The following PCDH15 variants were observed in gnomAD, a reference collection of about 807,000 sequenced individuals.
The protein encoded by PCDH15 is protocadherin related 15.
In PCDH15, 129 loss-of-function variants were observed where a neutral mutation model predicts 178.5. That is an observed-to-expected ratio of 0.72 (90% CI 0.63 to 0.84). The LOEUF is 0.84. PCDH15 is among the 40% of genes least tolerant of loss of function. The pLI, the probability that PCDH15 is intolerant of heterozygous loss-of-function variation, is 0.00. For missense variants in PCDH15, 2,230 were observed against 2,099.9 expected, an observed-to-expected ratio of 1.06 and a Z score of -1.21; for synonymous variants, 800 against 732.0, an observed-to-expected ratio of 1.09 and a Z score of -1.50.
intron 1 of PCDH15, among the ~76,000 whole-genome samples, chr10:54,797,064 T>C (rs545998727): frequency 1.3e-5 from 2 of 152,104 alleles, no homozygotes; most frequent in East Asian, 1.9e-4. Context: ...TGCACTTCAT[T>C]GCACACACCG....
intron 2 of PCDH15, among the ~76,000 whole-genome samples, chr10:55,338,901 C>G (rs987558240): frequency 6.6e-6 from 1 of 152,170 alleles, no homozygotes; most frequent in Middle Eastern, 3.4e-3. Flanking sequence ...GTGGCATGTT[C>G]TTATTCACAT....
intron 1 of PCDH15, among the ~76,000 whole-genome samples, chr10:55,235,588 T>A (rs1230029813): frequency 2.0e-5 from 3 of 152,006 alleles, no homozygotes; most frequent in Non-Finnish European, 4.4e-5. Context: ...AAACTTCACA[T>A]TCACCCAGGG....
Position 55,260,229 on chromosome 10 carries a change from T to C in PCDH15, c.-156+59370A>G, listed in dbSNP as rs10128303. Among the ~76,000 whole-genome samples the C allele has an allele frequency of 2.6e-3, 400 of 152,072 alleles. 1 individual carries two copies. The highest frequency in any genetic ancestry group is 0.02 in the Middle Eastern group (6 of 294). On this transcript the variant is annotated intron_variant, in intron 1 of 5. Coordinates refer to the PCDH15 transcript ENST00000458638. ...AGGATACTATGAGTACAGATACTAGTGAGGAGTCATTTTCACCATGTTGGT... is the reference window on the plus strand; with the variant it reads ...AGGATACTATGAGTACAGATACTAGCGAGGAGTCATTTTCACCATGTTGGT...
chr10:54,019,549 ACTT>A (rs1277129409), intron 20 of PCDH15, among the ~76,000 whole-genome samples: 8 of 152,124 alleles, frequency 5.3e-5, no homozygotes, highest in African/African-American at 1.9e-4. Context: ...AACTTACAGT[ACTT>A]CTTCTCATAT....
chr10:55,420,975 A>C (rs1006824565), intron 2 of PCDH15, among the ~76,000 whole-genome samples: 1 of 151,774 alleles, frequency 6.6e-6, no homozygotes, highest in Admixed American at 6.6e-5. Flanking sequence ...GTTTGTGTAA[A>C]AATATAATAG....
At chr10:54,842,257 C>A (rs1337434731) in intron 3 of PCDH15, among the ~76,000 whole-genome samples, 4 of 151,332 alleles carry the variant, frequency 2.6e-5, no homozygotes, top group Non-Finnish European at 5.9e-5. Flanking sequence ...TTGGTAGAGT[C>A]TTCGTAATTT....
intron 7 of PCDH15, among the ~76,000 whole-genome samples, chr10:54,319,408 T>C (rs2061457930): frequency 6.6e-6 from 1 of 152,154 alleles, no homozygotes; most frequent in African/African-American, 2.4e-5. Context: ...AACATCATGT[T>C]TTCAAATAAA....
intron 2 of PCDH15, among the ~76,000 whole-genome samples, chr10:55,013,411 C>T (rs1284352605): frequency 7.5e-6 from 1 of 133,220 alleles, no homozygotes; most frequent in Non-Finnish European, 1.6e-5. Context: ...ACCTGGTTAC[C>T]ACACCAGGCA....
intron 1 of PCDH15, among the ~76,000 whole-genome samples, chr10:54,674,666 G>A (rs1268116292): frequency 6.6e-6 from 1 of 152,054 alleles, no homozygotes; most frequent in Non-Finnish European, 1.5e-5. Context: ...AGTCATGTAA[G>A]CCCTTCATTT....
chr10:55,554,799 T>C (rs1030074078), intron 2 of PCDH15, among the ~76,000 whole-genome samples: 8 of 152,116 alleles, frequency 5.3e-5, no homozygotes, highest in African/African-American at 1.7e-4. Context: ...TGTCCTTTTA[T>C]GTTCTAGTAT....
At chr10:53,997,118 G>T (rs929516019) in intron 20 of PCDH15, among the ~76,000 whole-genome samples, 33 of 152,128 alleles carry the variant, frequency 2.2e-4, no homozygotes, top group Non-Finnish European at 7.4e-5. Context: ...ATTCTAATAG[G>T]AGAACTTGAA....
rs1401685761 is a variant in PCDH15, at chr10:54,216,062, AAAAAAAG to A, written c.986-2021_986-2015del. Among the ~76,000 whole-genome samples, 7 of 150,550 alleles carry A rather than the reference AAAAAAAG, an allele frequency of 4.6e-5. No homozygotes were observed. The East Asian group carries it at 5.8e-4, about 13-fold the overall frequency. ...CGTCTCAGAAAAAAAAAAAAAAAAA[AAAAAAAG>A]AGAAATTTATGTCCAGACAAAATGT... On this transcript the variant is annotated intron_variant, in intron 9 of 37. Coordinates refer to ENST00000644397, the MANE Select transcript of PCDH15 (RefSeq NM_001384140.1).
intron 2 of PCDH15, among the ~76,000 whole-genome samples, chr10:55,084,676 C>A (rs1444985505): frequency 6.6e-6 from 1 of 151,976 alleles, no homozygotes; most frequent in South Asian, 2.1e-4. Flanking sequence ...AACTATCCAT[C>A]TAACAAGGGA....
At chr10:54,867,226 G>A (rs994058937) in intron 3 of PCDH15, among the ~76,000 whole-genome samples, 35 of 152,258 alleles carry the variant, frequency 2.3e-4, no homozygotes, top group Non-Finnish European at 1.0e-4. Context: ...CCGTGGTATA[G>A]TGTTGTGCAT....
intron 3 of PCDH15, among the ~76,000 whole-genome samples, chr10:54,392,567 G>C (rs1393554806): frequency 6.7e-6 from 1 of 148,950 alleles, no homozygotes; most frequent in Non-Finnish European, 1.5e-5. Flanking sequence ...CATATTGATA[G>C]TATTTATAAC....
Position 53,823,010 on chromosome 10 carries a change from C to CCTCTGAATCTTTTCTCT in PCDH15, c.4368-2797_4368-2781dup, listed in dbSNP as rs763882874. 8.1e-6 allele frequency: 13 copies of CCTCTGAATCTTTTCTCT among 1,614,044 alleles called. No individual in the cohort carries two copies. The East Asian group carries it at 2.9e-4, about 36-fold the overall frequency. Reference sequence around the variant, plus strand: ...GTAAGCTGACTGACTGACTCCACAGCCTCTGAATCTTTTCTCTTGGGCCCC... The same window carrying CCTCTGAATCTTTTCTCT: ...GTAAGCTGACTGACTGACTCCACAGCCTCTGAATCTTTTCTCTCTCTGAATCTTTTCTCTTGGGCCCC... On this transcript the variant is annotated intron_variant, in intron 32 of 37. Coordinates refer to ENST00000644397, the MANE Select transcript of PCDH15 (RefSeq NM_001384140.1).
intron 3 of PCDH15, among the ~76,000 whole-genome samples, chr10:54,888,979 G>C (rs181087523): frequency 4.0e-5 from 6 of 151,746 alleles, no homozygotes; most frequent in African/African-American, 1.4e-4. Context: ...AATGTTCCAT[G>C]AGGTGCATTT....
intron 2 of PCDH15, among the ~76,000 whole-genome samples, chr10:54,926,182 A>G (rs193118486): frequency 2.0e-5 from 3 of 152,146 alleles, no homozygotes; most frequent in Non-Finnish European, 4.4e-5. Context: ...ATCCAAAGGC[A>G]TTTCTGCATC....
At chr10:54,613,397 T>C (rs1259375831) in intron 2 of PCDH15, among the ~76,000 whole-genome samples, 2 of 151,858 alleles carry the variant, frequency 1.3e-5, no homozygotes, top group East Asian at 3.9e-4. Context: ...ATTCAGCAAA[T>C]ATGATTCACT....
Sources: allele counts gnomAD v4.1 joint callset (sites outside exome capture counted in the v4.1 genomes callset), GRCh38; gene constraint gnomAD v4.1.1; transcripts MANE v1.5; gene names NCBI Gene and HGNC (gene_info 2026-07-23, HGNC 2026-07-21).